The following CCDC191 variants were observed in gnomAD, a reference collection of about 807,000 sequenced individuals.
CCDC191 encodes the protein coiled-coil domain-containing protein 191.
CCDC191 carries 99 observed loss-of-function variants against 114.0 expected under a neutral mutation model. The ratio of observed to expected loss-of-function variants is 0.87; its 90% confidence interval spans 0.74 to 1.03. The LOEUF (loss-of-function observed/expected upper bound fraction) is 1.03, where lower values mean the gene tolerates loss of function less well. CCDC191 is among the 50% of genes least tolerant of loss of function. The pLI is 0.00. For missense variants in CCDC191, 973 were observed against 1,087.0 expected (o/e 0.90, Z 1.47); for synonymous variants, 351 against 376.0 (o/e 0.93, Z 0.77).
Position 113,977,953 on chromosome 3 carries a change from TGA to T in CCDC191, c.2606+231_2606+232del, listed in dbSNP as rs142685707. On this transcript the variant is annotated intron_variant, in intron 16 of 16. Coordinates refer to ENST00000295878, the MANE Select transcript of CCDC191 (RefSeq NM_020817.2). ...CATTTTATTCTCTTGGCAGTTTCCGTGAGGTAGAAAGGGCAGGCCTCCTCCTC... is the reference window on the plus strand; with the variant it reads ...CATTTTATTCTCTTGGCAGTTTCCGTGGTAGAAAGGGCAGGCCTCCTCCTC... 6.7e-3 allele frequency among the ~76,000 whole-genome samples: 1,027 copies of T among 152,320 alleles called. 9 individuals are homozygous for T. Among genetic ancestry groups the T allele is most frequent in the Non-Finnish European group, 0.011 (728 of 68,024 alleles).
rs1271714778 is a variant in CCDC191 at position 114,027,624 on chromosome 3, A to AG, written c.972+4001_972+4002insC. Among the ~76,000 whole-genome samples the AG allele has an allele frequency of 5.6e-3, 727 of 130,370 alleles. 12 individuals carry two copies. Among genetic ancestry groups the AG allele is most frequent in the Middle Eastern group, 0.012 (2 of 172 alleles). 85.5% of individuals were successfully genotyped at this position (130,370 alleles called of 152,430 possible). ...CTCAAAAAAAAAAAAAAAAAAAAAG[A>AG]AAAAAAAATCCAGAATTAAAGCACA... On this transcript the variant is annotated intron_variant, in intron 7 of 16. Coordinates refer to ENST00000295878, the MANE Select transcript of CCDC191 (RefSeq NM_020817.2).
At chr3:113,995,734 C>A (rs1385447748) in intron 13 of CCDC191, among the ~76,000 whole-genome samples, 1 of 152,194 alleles carries the variant, frequency 6.6e-6, no homozygotes, top group East Asian at 1.9e-4. Flanking sequence ...AGTTTACAGT[C>A]CCACCATCAG....
At chr3:114,030,389 C>T (rs1035168304) in intron 7 of CCDC191, among the ~76,000 whole-genome samples, 4 of 152,150 alleles carry the variant, frequency 2.6e-5, no homozygotes, top group Admixed American at 6.5e-5. Context: ...CTCAAGATGA[C>T]TCCCTGAATA....
At chr3:114,009,221 TA>T (rs2076025275) in intron 9 of CCDC191, among the ~76,000 whole-genome samples, 1 of 152,170 alleles carries the variant, frequency 6.6e-6, no homozygotes, top group Non-Finnish European at 1.5e-5. Context: ...AGACATTGTA[TA>T]CTTAGGCCAC....
Position 114,028,081 on chromosome 3 carries a change from C to T in CCDC191, c.972+3545G>A, listed in dbSNP as rs965879326. ...TATACGCTGGGGAAAATCTAGAGATCTACTAACCATATTACAAATGAATAA... is the reference window on the plus strand; with the variant it reads ...TATACGCTGGGGAAAATCTAGAGATTTACTAACCATATTACAAATGAATAA... On this transcript the variant is annotated intron_variant, in intron 7 of 16. Coordinates refer to ENST00000295878, the MANE Select transcript of CCDC191 (RefSeq NM_020817.2). Among the ~76,000 whole-genome samples the T allele has an allele frequency of 1.3e-5, 2 of 152,010 alleles. 1 individual carries two copies. The highest frequency in any genetic ancestry group is 1.3e-4 in the Admixed American group (2 of 15,256).
chr3:114,024,800 G>A (rs913379448), intron 7 of CCDC191, among the ~76,000 whole-genome samples: 3 of 151,926 alleles, frequency 2.0e-5, no homozygotes, highest in African/African-American at 7.2e-5. Flanking sequence ...TATATACACA[G>A]GTAACAAACC....
At chr3:114,020,793 C>T (rs2076232329) in intron 7 of CCDC191, among the ~76,000 whole-genome samples, 2 of 152,094 alleles carry the variant, frequency 1.3e-5, no homozygotes, top group South Asian at 4.1e-4. Context: ...ATTTTAACTT[C>T]AGGATTATTT....
At chr3:114,050,567 C>A (rs2076686379) in intron 2 of CCDC191, among the ~76,000 whole-genome samples, 1 of 152,154 alleles carries the variant, frequency 6.6e-6, no homozygotes, top group African/African-American at 2.4e-5. Flanking sequence ...AGGGAAGGAT[C>A]TGGATTGGCC....
chr3:114,035,828 C>T (rs2076474709), intron 5 of CCDC191, among the ~76,000 whole-genome samples: 2 of 152,140 alleles, frequency 1.3e-5, no homozygotes, highest in Non-Finnish European at 2.9e-5. Flanking sequence ...GACTATATAG[C>T]TTATTGAACG....
chr3:114,002,190 C>T (rs1224927875), intron 12 of CCDC191, among the ~76,000 whole-genome samples: 4 of 152,168 alleles, frequency 2.6e-5, no homozygotes, highest in Non-Finnish European at 4.4e-5. Flanking sequence ...ATACACTAAT[C>T]TTGGTTATGT....
At chr3:114,018,585 C>A in intron 8 of CCDC191, 93 bp downstream of exon 8, 1 of 976,614 alleles carries the variant, frequency 1.0e-6, no homozygotes. Flanking sequence ...TAAGATTATT[C>A]TAGTTGGCAT....
intron 16 of CCDC191, among the ~76,000 whole-genome samples, chr3:113,968,778 A>AT (rs143593615): frequency 1.5e-3 from 225 of 150,732 alleles, no homozygotes; most frequent in African/African-American, 5.1e-3. Context: ...TTTAAATTGG[A>AT]TTTTTTTTTG....
chr3:114,029,619 AAGG>A (rs1406181722), intron 7 of CCDC191, among the ~76,000 whole-genome samples: 1 of 152,224 alleles, frequency 6.6e-6, no homozygotes, highest in African/African-American at 2.4e-5. Context: ...CCTGAAAGAC[AAGG>A]AGAAGGAAAA....
At chr3:113,970,288 C>T (rs2107564322) in intron 16 of CCDC191, among the ~76,000 whole-genome samples, 1 of 152,178 alleles carries the variant, frequency 6.6e-6, no homozygotes, top group East Asian at 1.9e-4. Context: ...AAGAGCATGT[C>T]ATCCGTAAAC....
chr3:113,965,121 G>A lies in CCDC191; in HGVS notation c.*34C>T, dbSNP rs757162059. The A allele has an allele frequency of 3.5e-6, 5 of 1,414,518 alleles. No homozygotes were observed. Among genetic ancestry groups the A allele is most frequent in the East Asian group, 4.7e-5 (2 of 42,318 alleles). 87.6% of individuals were successfully genotyped at this position (1,414,518 alleles called of 1,614,324 possible). A position where few individuals can be genotyped will look rare whatever the true frequency, so the allele number is the denominator to read the frequency against. ...GAGATAACACACATACAGACTAGTC[G>A]AGCTTCCTGTCCTAAATATTACACT... is the stretch of plus-strand genomic sequence containing the variant. On this transcript the variant is annotated 3_prime_UTR_variant, in exon 17 of 17. Transcript: ENST00000295878.
intron 14 of CCDC191, among the ~76,000 whole-genome samples, chr3:113,980,260 G>A (rs1247043495): frequency 1.3e-5 from 2 of 152,182 alleles, no homozygotes; most frequent in Admixed American, 1.3e-4. Flanking sequence ...AGACATATGA[G>A]TGAGAAATAA....
rs147536689 is a variant in CCDC191, at chr3:113,970,545, T to C, written c.2607-5186A>G. On this transcript the variant is annotated intron_variant, in intron 16 of 16. Coordinates refer to ENST00000295878, the MANE Select transcript of CCDC191 (RefSeq NM_020817.2). The stretch of plus-strand genomic sequence containing the variant: ...TGAATAAAAGTGCTGAAAGTGGGCA[T>C]TTTGGTCCTGGCCAGGATGTTGATT... Among the ~76,000 whole-genome samples the C allele has an allele frequency of 2.0e-4, 30 of 152,208 alleles. No individual in the cohort carries two copies. The East Asian group carries it at 5.4e-3, about 27-fold the overall frequency.
chr3:114,001,871 A>C, intron 12 of CCDC191, 175 bp from the exon 13 acceptor site: 1 of 682,208 alleles, frequency 1.5e-6, no homozygotes, highest in African/African-American at 1.8e-5. Context: ...TACGTAACTT[A>C]AAAGTTTCTC....
At chr3:114,001,406 G>T (rs989519219) in intron 13 of CCDC191, among the ~76,000 whole-genome samples, 189 bp downstream of exon 13, 1 of 152,144 alleles carries the variant, frequency 6.6e-6, no homozygotes, top group Non-Finnish European at 1.5e-5. Flanking sequence ...GGCTAATCTG[G>T]ACAAAGTTCT....
Sources: allele counts gnomAD v4.1 joint callset (sites outside exome capture counted in the v4.1 genomes callset), GRCh38; gene constraint gnomAD v4.1.1; transcripts MANE v1.5; gene names NCBI Gene and HGNC (gene_info 2026-07-23, HGNC 2026-07-21).